The following BMAL1 variants were observed in gnomAD, a reference collection of about 807,000 sequenced individuals.
The protein encoded by BMAL1 is basic helix-loop-helix ARNT like 1.
the BMAL1 span, among the ~76,000 whole-genome samples, chr11:13,339,193 A>C: frequency 6.6e-6 from 1 of 152,346 alleles, no homozygotes; most frequent in South Asian, 2.1e-4. Context: ...CCTTTAGAGC[A>C]TACCAAGAAT....
At chr11:13,312,705 T>G in the BMAL1 span, among the ~76,000 whole-genome samples, 1 of 152,236 alleles carries the variant, frequency 6.6e-6, no homozygotes, top group East Asian at 1.9e-4. Context: ...GGCAGGCTCC[T>G]ATTTTGTCTT....
chr11:13,318,693 C>T, the BMAL1 span, among the ~76,000 whole-genome samples: 2 of 151,762 alleles, frequency 1.3e-5, no homozygotes, highest in African/African-American at 2.4e-5. Flanking sequence ...GAGTCTGTGC[C>T]TCCTTCTAGC....
the BMAL1 span, among the ~76,000 whole-genome samples, chr11:13,284,695 T>C: frequency 6.6e-5 from 10 of 152,110 alleles, no homozygotes; most frequent in East Asian, 1.9e-3. Flanking sequence ...GGGAAGAAGC[T>C]CTTTTTGCCC....
chr11:13,354,813 T>C, the BMAL1 span, among the ~76,000 whole-genome samples: 1 of 152,234 alleles, frequency 6.6e-6, no homozygotes, highest in South Asian at 2.1e-4. Flanking sequence ...CAAAGAGAGC[T>C]TTGCCTGAGG....
At chr11:13,291,097 G>C in the BMAL1 span, among the ~76,000 whole-genome samples, 1 of 152,146 alleles carries the variant, frequency 6.6e-6, no homozygotes, top group South Asian at 2.1e-4. Context: ...AATTTCTGTA[G>C]GTCAGTTTTT....
chr11:13,280,967 TG>T, the BMAL1 span, among the ~76,000 whole-genome samples: 1 of 152,196 alleles, frequency 6.6e-6, no homozygotes. Context: ...GTTTGGGCTT[TG>T]TGGTCTTGGA....
chr11:13,304,556 C>G, the BMAL1 span, among the ~76,000 whole-genome samples: 1 of 152,196 alleles, frequency 6.6e-6, no homozygotes, highest in Non-Finnish European at 1.5e-5. Flanking sequence ...TGGGCAATTC[C>G]CATTCATGAC....
the BMAL1 span, among the ~76,000 whole-genome samples, chr11:13,292,900 G>A: frequency 6.6e-6 from 1 of 152,228 alleles, no homozygotes; most frequent in Non-Finnish European, 1.5e-5. Context: ...TCTTTTTCCA[G>A]TAGCCGGAAT....
the BMAL1 span, among the ~76,000 whole-genome samples, chr11:13,289,557 G>T: frequency 6.6e-6 from 1 of 152,080 alleles, no homozygotes; most frequent in Non-Finnish European, 1.5e-5. Context: ...GACAGGCCCC[G>T]GAGTGTGATG....
At chr11:13,367,777 A>G in the BMAL1 span, among the ~76,000 whole-genome samples, 14 of 151,156 alleles carry the variant, frequency 9.3e-5, no homozygotes, top group Non-Finnish European at 1.5e-4. Flanking sequence ...TCCACCATTC[A>G]CTAGCTGTGT....
the BMAL1 span, among the ~76,000 whole-genome samples, chr11:13,299,975 C>T: frequency 6.6e-6 from 1 of 152,218 alleles, no homozygotes; most frequent in Non-Finnish European, 1.5e-5. Context: ...GTTGTTCGCT[C>T]ATCCAGAGAT....
At chr11:13,325,730 C>T in the BMAL1 span, among the ~76,000 whole-genome samples, 1 of 149,962 alleles carries the variant, frequency 6.7e-6, no homozygotes, top group Admixed American at 6.6e-5. Context: ...AAATTCAACC[C>T]TCTCCAAATT....
chr11:13,286,951 A>C, the BMAL1 span, among the ~76,000 whole-genome samples: 1 of 152,210 alleles, frequency 6.6e-6, no homozygotes, highest in Non-Finnish European at 1.5e-5. Context: ...TGTTAAATGC[A>C]AAGCTATTTT....
chr11:13,278,252 C>A, the BMAL1 span, among the ~76,000 whole-genome samples: 9,853 of 152,264 alleles, frequency 0.065, 1,086 homozygotes, highest in African/African-American at 0.23. Flanking sequence ...GAGTACCCAC[C>A]GCCCTTCCGC....
At chr11:13,337,590 C>T in the BMAL1 span, among the ~76,000 whole-genome samples, 1 of 152,212 alleles carries the variant, frequency 6.6e-6, no homozygotes, top group South Asian at 2.1e-4. Context: ...CCATTTACCA[C>T]ATCTTCACTA....
chr11:13,370,800 A>C, the BMAL1 span, among the ~76,000 whole-genome samples: 2 of 152,094 alleles, frequency 1.3e-5, no homozygotes, highest in Admixed American at 6.6e-5. Flanking sequence ...GTTCTTGAAG[A>C]AAAGCTCAAA....
chr11:13,340,132 CAAT>C, the BMAL1 span, among the ~76,000 whole-genome samples: 1 of 152,218 alleles, frequency 6.6e-6, no homozygotes, highest in Non-Finnish European at 1.5e-5. Context: ...TGTGGGTTCT[CAAT>C]AAACTGTGTT....
chr11:13,279,241 T>C, the BMAL1 span, among the ~76,000 whole-genome samples: 1 of 152,264 alleles, frequency 6.6e-6, no homozygotes, highest in African/African-American at 2.4e-5. Context: ...AGATTCCGTA[T>C]TTGTGAACAA....
At chr11:13,326,925 G>T in the BMAL1 span, among the ~76,000 whole-genome samples, 4 of 151,842 alleles carry the variant, frequency 2.6e-5, no homozygotes, top group African/African-American at 9.7e-5. Context: ...GTTCACGCCA[G>T]TCTCCTGCCT....
Sources: gnomAD v4.1 joint callset for allele counts (sites outside exome capture counted in the v4.1 genomes callset) on GRCh38, gnomAD v4.1.1 for gene constraint, MANE v1.5 for transcripts, NCBI Gene and HGNC (gene_info 2026-07-23, HGNC 2026-07-21) for gene names.